The following PEX13 variants were observed in gnomAD, a reference collection of about 807,000 sequenced individuals.
PEX13 encodes peroxisome biogenesis factor 13.
A neutral mutation model predicts 34.5 loss-of-function variants in PEX13; 28 were observed. That is an observed-to-expected ratio of 0.81 (90% CI 0.60 to 1.11). PEX13 has a LOEUF of 1.11. PEX13 is among the 50% of genes most tolerant of loss of function. The pLI is 0.00. For missense variants in PEX13, 550 were observed against 491.0 expected, an observed-to-expected ratio of 1.12 and a Z score of -1.13; for synonymous variants, 177 against 175.1, an observed-to-expected ratio of 1.01 and a Z score of -0.09.
chr2:61,033,052 T>C (rs1015106370), intron 2 of PEX13, among the ~76,000 whole-genome samples: 2 of 152,176 alleles, frequency 1.3e-5, no homozygotes, highest in Non-Finnish European at 2.9e-5. Context: ...TGTTTTTGTT[T>C]TTAAGCAGAC....
At chr2:61,037,074 C>A (rs1157997485) in intron 2 of PEX13, among the ~76,000 whole-genome samples, 1 of 152,200 alleles carries the variant, frequency 6.6e-6, no homozygotes, top group Admixed American at 6.5e-5. Flanking sequence ...GAAGAGCTAA[C>A]TATCCTAAAT....
chr2:61,025,930 C>T lies in PEX13; in HGVS notation c.93-5489C>T, dbSNP rs576254837. On this transcript the variant is annotated intron_variant, in intron 1 of 3. Coordinates refer to ENST00000295030, the MANE Select transcript of PEX13 (RefSeq NM_002618.4). Reference sequence around the variant, plus strand: ...GTCCCAATCTGAAGTGTGAGGGTTCCCTATGGCTTTCCTCTTTAGGGTTCT... The same window carrying T: ...GTCCCAATCTGAAGTGTGAGGGTTCTCTATGGCTTTCCTCTTTAGGGTTCT... Among the ~76,000 whole-genome samples the T allele has an allele frequency of 3.9e-5, 6 of 152,238 alleles. No individual in the cohort carries two copies. The South Asian group carries it at 1.0e-3, about 26-fold the overall frequency.
intron 2 of PEX13, among the ~76,000 whole-genome samples, chr2:61,043,782 A>G (rs1462621016): frequency 6.6e-6 from 1 of 152,192 alleles, no homozygotes; most frequent in Admixed American, 6.5e-5. Flanking sequence ...GAAGATCCCG[A>G]CTTGCCCTAC....
chr2:61,042,972 G>T (rs1443568719), intron 2 of PEX13, among the ~76,000 whole-genome samples: 1 of 152,142 alleles, frequency 6.6e-6, no homozygotes. Flanking sequence ...GTCATCATGG[G>T]AGTGAGTTCA....
intron 1 of PEX13, among the ~76,000 whole-genome samples, chr2:61,021,213 G>A (rs1160704733): frequency 6.6e-6 from 1 of 152,120 alleles, no homozygotes; most frequent in African/African-American, 2.4e-5. Flanking sequence ...ATCGAGGCGG[G>A]GCATCACCTC....
At chr2:61,042,765 A>G (rs1180059101) in intron 2 of PEX13, among the ~76,000 whole-genome samples, 3 of 152,256 alleles carry the variant, frequency 2.0e-5, no homozygotes, top group African/African-American at 4.8e-5. Context: ...TCATTGCAAC[A>G]GCCAAAAAAA....
At chr2:61,039,019 T>G (rs1680578402) in intron 2 of PEX13, among the ~76,000 whole-genome samples, 1 of 152,120 alleles carries the variant, frequency 6.6e-6, no homozygotes, top group Non-Finnish European at 1.5e-5. Context: ...ATAAAATACC[T>G]AGGAATCCAA....
rs1261559563 is a variant in PEX13 at position 61,051,375 on chromosome 2, A to T, written c.*2605A>T. On this transcript the variant is annotated 3_prime_UTR_variant, in exon 4 of 4. Coordinates refer to ENST00000295030, the MANE Select transcript of PEX13 (RefSeq NM_002618.4). ...AAAGTAGAAGTGACCACTATTAAAG[A>T]TGTATAGGGAGAAGAGTACAGCACA... The T allele has an allele frequency of 6.6e-6, 1 of 152,348 alleles. No homozygotes were observed. The highest frequency in any genetic ancestry group is 1.5e-5 in the Non-Finnish European group (1 of 68,028). The allele number at this position is 152,348 out of a possible 1,614,324, so 9.4% of individuals were successfully genotyped here.
intron 1 of PEX13, among the ~76,000 whole-genome samples, chr2:61,023,186 G>A (rs1465618222): frequency 6.6e-6 from 1 of 151,862 alleles, no homozygotes; most frequent in East Asian, 1.9e-4. Context: ...TATATTTTTA[G>A]TAGAGATGGA....
At chr2:61,028,702 T>G (rs945254973) in intron 1 of PEX13, among the ~76,000 whole-genome samples, 1 of 151,938 alleles carries the variant, frequency 6.6e-6, no homozygotes, top group African/African-American at 2.4e-5. Context: ...GTAGGACATT[T>G]CTAGAAAAAA....
intron 1 of PEX13, among the ~76,000 whole-genome samples, chr2:61,021,429 T>A (rs968789944): frequency 6.6e-6 from 1 of 152,108 alleles, no homozygotes; most frequent in Non-Finnish European, 1.5e-5. Context: ...AGCACAGCAG[T>A]CTGAGATCAA....
At chr2:61,029,450 T>C (rs1213889500) in intron 1 of PEX13, among the ~76,000 whole-genome samples, 1 of 152,152 alleles carries the variant, frequency 6.6e-6, no homozygotes. Flanking sequence ...AGGCTAAATA[T>C]AGAGTTTCCA....
chr2:61,025,847 G>T (rs7577466), intron 1 of PEX13, among the ~76,000 whole-genome samples: 13,260 of 152,086 alleles, frequency 0.087, 1,930 homozygotes, highest in African/African-American at 0.3. Flanking sequence ...TTCCTGCCAG[G>T]TAGTCCATTT....
chr2:61,041,206 A>C (rs1488185585), intron 2 of PEX13, among the ~76,000 whole-genome samples: 1 of 152,076 alleles, frequency 6.6e-6, no homozygotes, highest in Admixed American at 6.6e-5. Context: ...GTGCATGCCT[A>C]TAGTCCCAGT....
At chr2:61,039,088 T>TA (rs1343466689) in intron 2 of PEX13, among the ~76,000 whole-genome samples, 2 of 151,980 alleles carry the variant, frequency 1.3e-5, no homozygotes, top group African/African-American at 4.8e-5. Flanking sequence ...CTCAATGAAA[T>TA]AAAAAATGAC....
At chr2:61,044,138 C>T (rs1014070643) in intron 2 of PEX13, among the ~76,000 whole-genome samples, 3 of 152,100 alleles carry the variant, frequency 2.0e-5, no homozygotes, top group Admixed American at 6.6e-5. Context: ...ATTGTGGAGA[C>T]GAGATTCCAC....
chr2:61,048,246 T>C (rs1573561843), intron 3 of PEX13, among the ~76,000 whole-genome samples: 1 of 152,210 alleles, frequency 6.6e-6, no homozygotes, highest in African/African-American at 2.4e-5. Context: ...CTTTATGTTC[T>C]TCAAGGTGGA....
intron 3 of PEX13, among the ~76,000 whole-genome samples, chr2:61,047,466 T>C (rs914744604): frequency 6.6e-6 from 1 of 152,202 alleles, no homozygotes; most frequent in Admixed American, 6.5e-5. Flanking sequence ...TTCATATTTT[T>C]CTTATAGGGA....
intron 1 of PEX13, among the ~76,000 whole-genome samples, chr2:61,031,100 G>A (rs1240651006): frequency 6.6e-6 from 1 of 152,074 alleles, no homozygotes; most frequent in Non-Finnish European, 1.5e-5. Flanking sequence ...GACCAGCCTG[G>A]GAAACATGGT....
Sources: allele counts gnomAD v4.1 joint callset (sites outside exome capture counted in the v4.1 genomes callset), GRCh38; gene constraint gnomAD v4.1.1; transcripts MANE v1.5; gene names NCBI Gene and HGNC (gene_info 2026-07-23, HGNC 2026-07-21).